The following EHD2 variants were observed in gnomAD, a reference collection of about 807,000 sequenced individuals.
The protein encoded by EHD2 is EH domain containing 2.
A neutral mutation model predicts 41.0 loss-of-function variants in EHD2; 27 were observed. The observed-to-expected ratio is 0.66, with a 90% CI of 0.49 to 0.91. EHD2 has a LOEUF of 0.91. Among genes scored for constraint, EHD2 ranks in the 40% least tolerant of loss-of-function variants. The probability of loss-of-function intolerance (pLI) is 0.00; values close to 1 mark genes in which losing one functional copy is unlikely to be tolerated. For missense variants in EHD2, 673 were observed against 773.9 expected, an observed-to-expected ratio of 0.87 and a Z score of 1.55; for synonymous variants, 342 against 341.0, an observed-to-expected ratio of 1.00 and a Z score of -0.03.
intron 3 of EHD2, among the ~76,000 whole-genome samples, chr19:47,723,802 T>A (rs569828730): frequency 1.8e-4 from 27 of 152,000 alleles, no homozygotes; most frequent in Admixed American, 2.6e-4. Context: ...TTCCTCCTCC[T>A]GAGTAGCTGA....
At chr19:47,714,094 C>G (rs1306967818) in intron 1 of EHD2, among the ~76,000 whole-genome samples, 1 of 152,196 alleles carries the variant, frequency 6.6e-6, no homozygotes, top group African/African-American at 2.4e-5. Context: ...TCCCTGGCCA[C>G]CCCTTTTAAG....
chr19:47,734,322 C>T (rs565150071), intron 4 of EHD2, among the ~76,000 whole-genome samples: 4 of 150,946 alleles, frequency 2.6e-5, no homozygotes, highest in African/African-American at 9.7e-5. Flanking sequence ...GGGACAGAGC[C>T]AGACCCTGTC....
chr19:47,716,504 T>C, intron 1 of EHD2, 54 bp from the exon 2 acceptor site: 2 of 1,308,550 alleles, frequency 1.5e-6, no homozygotes, highest in South Asian at 3.3e-5. Context: ...CTCAGACCCC[T>C]TTCTTCCTCC....
intron 5 of EHD2, among the ~76,000 whole-genome samples, chr19:47,738,805 G>A (rs1966951619): frequency 1.3e-5 from 2 of 152,172 alleles, no homozygotes; most frequent in African/African-American, 4.8e-5. Flanking sequence ...CTCTGCCTTG[G>A]CTCAGGAAAT....
chr19:47,727,008 C>T (rs1973760316), intron 4 of EHD2, among the ~76,000 whole-genome samples: 2 of 152,028 alleles, frequency 1.3e-5, no homozygotes, highest in African/African-American at 4.8e-5. Context: ...CAGACAAATA[C>T]TCATTATTCT....
chr19:47,716,068 CT>C (rs60295874), intron 1 of EHD2, among the ~76,000 whole-genome samples: 15,324 of 99,904 alleles, frequency 0.15, 641 homozygotes, highest in African/African-American at 0.22. Flanking sequence ...TGTGCCTGGC[CT>C]TTTTTTTTTT....
At position 47,725,951 on chromosome 19, in the gene EHD2, C is replaced by G; in HGVS notation, c.642C>G (p.Ile214Met). The G allele has an allele frequency of 6.2e-7, 1 of 1,613,710 alleles. No homozygotes were observed. Among genetic ancestry groups the G allele is most frequent in the Non-Finnish European group, 8.5e-7 (1 of 1,179,698 alleles). ...IGALRGHEDKIRVVLNKADMV... is the reference protein window; with the variant it reads ...IGALRGHEDKMRVVLNKADMV... ...CGTTGCGGGGCCATGAGGACAAGAT[C>G]CGCGTGGTGCTCAACAAGGCCGACA... is the stretch of plus-strand genomic sequence containing the variant. Residue 214 changes from isoleucine (I) to methionine (M), a missense_variant, in exon 4 of 6, where the codon ATC (isoleucine) becomes ATG (methionine). By Grantham distance (10) the Ile-to-Met change is conservative (BLOSUM62 1). Coordinates refer to ENST00000263277, the MANE Select transcript of EHD2 (RefSeq NM_014601.4).
rs1214494982 is a variant in EHD2 at position 47,739,264 on chromosome 19, CTAATTTT to C, written c.1081-1608_1081-1602del. Among the ~76,000 whole-genome samples, 3 of 133,796 alleles carry C rather than the reference CTAATTTT, an allele frequency of 2.2e-5. No homozygotes were observed. The Admixed American group carries it at 2.4e-4, about 11-fold the overall frequency. 87.8% of individuals were successfully genotyped at this position (133,796 alleles called of 152,430 possible). A position where few individuals can be genotyped will look rare whatever the true frequency, so the allele number is the denominator to read the frequency against. On this transcript the variant is annotated intron_variant, in intron 5 of 5. Coordinates refer to ENST00000263277, the MANE Select transcript of EHD2 (RefSeq NM_014601.4). ...TGCAGGCGTGCACCACCACACCTGG[CTAATTTT>C]TAATTTTTTTTTTTTTTTTTTTTTT...
chr19:47,715,062 TAAATAAATAAATAAATAAAA>T (rs1239170488), intron 1 of EHD2, among the ~76,000 whole-genome samples: 1 of 150,192 alleles, frequency 6.7e-6, no homozygotes, highest in African/African-American at 2.5e-5. Context: ...AATAAATAAA[TAAATAAATAAATAAATAAAA>T]AGAAAGAAAA....
At chr19:47,731,284 A>ATATATATATATATG (rs1973809651) in intron 4 of EHD2, 1 of 54,916 alleles carries the variant, frequency 1.8e-5, no homozygotes, top group Non-Finnish European at 5.2e-5. Flanking sequence ...AAAAAAATAT[A>ATATATATATATATG]TATATATATA....
chr19:47,731,279 A>AATTATAT (rs1555793892), intron 4 of EHD2: 1 of 60,928 alleles, frequency 1.6e-5, no homozygotes, highest in East Asian at 4.7e-4. Context: ...AAAAAAAAAA[A>AATTATAT]ATATATATAT....
At chr19:47,718,804 T>C (rs1254983837) in intron 3 of EHD2, among the ~76,000 whole-genome samples, 198 bp downstream of exon 3, 4 of 105,998 alleles carry the variant, frequency 3.8e-5, no homozygotes, top group African/African-American at 1.5e-4. Context: ...CCCAGACTCC[T>C]GGGTCTGAGG....
chr19:47,721,164 GGTGT>G (rs60140753), intron 3 of EHD2, among the ~76,000 whole-genome samples: 7,224 of 57,066 alleles, frequency 0.13, 248 homozygotes, highest in Non-Finnish European at 0.19. Flanking sequence ...TGCTACTGGG[GGTGT>G]GTGTGTGTGT....
intron 2 of EHD2, among the ~76,000 whole-genome samples, chr19:47,717,691 G>C (rs1170033251): frequency 6.6e-6 from 1 of 152,036 alleles, no homozygotes; most frequent in Non-Finnish European, 1.5e-5. Context: ...TAGATCACTT[G>C]AGGCCAGGAG....
In EHD2 at chr19:47,721,458, C is replaced by T. The variant is rs376290642; in HGVS notation, c.502+2852C>T. Among the ~76,000 whole-genome samples the T allele has an allele frequency of 3.8e-4, 57 of 151,854 alleles. No homozygotes were observed. In the East Asian group the frequency reaches 4.3e-3, roughly 11 times the overall value. ...CCTCCGGAGTAGCTGGGATTACAGG[C>T]GCCTGCCACCATGCCCGGCTAATTT... is the stretch of plus-strand genomic sequence containing the variant. On this transcript the variant is annotated intron_variant, in intron 3 of 5. Transcript: ENST00000263277.
Position 47,725,824 on chromosome 19 carries a change from C to T in EHD2, c.515C>T (p.Pro172Leu), listed in dbSNP as rs754240911. 3.8e-6 allele frequency: 6 copies of T among 1,582,524 alleles called. No homozygotes were observed. The Admixed American group carries it at 5.2e-5, about 14-fold the overall frequency. The change falls in exon 4 of 6, where the codon CCG becomes CTG. Residue 172 changes from proline (P) to leucine (L), a missense_variant. Physicochemically the swap from Pro to Leu is moderately conservative, Grantham distance 98. Coordinates refer to ENST00000263277, the MANE Select transcript of EHD2 (RefSeq NM_014601.4). ...KQRVSRGYDFPAVLRWFAERV... is the reference protein window; with the variant it reads ...KQRVSRGYDFLAVLRWFAERV... ...ACTCCCACTCCAGGCTACGACTTCC[C>T]GGCCGTGCTGCGCTGGTTCGCGGAG...
At chr19:47,739,956 C>T (rs1966967964) in intron 5 of EHD2, among the ~76,000 whole-genome samples, 1 of 152,288 alleles carries the variant, frequency 6.6e-6, no homozygotes, top group Admixed American at 6.5e-5. Context: ...TCCAGTAATT[C>T]TGGGGCACAG....
chr19:47,722,813 C>G (rs187240368), intron 3 of EHD2, among the ~76,000 whole-genome samples: 23 of 152,292 alleles, frequency 1.5e-4, no homozygotes, highest in African/African-American at 5.5e-4. Context: ...GGTGATCCAC[C>G]CGCCTCAGCC....
At chr19:47,737,059 G>A (rs1007333919) in intron 5 of EHD2, among the ~76,000 whole-genome samples, 6 of 151,900 alleles carry the variant, frequency 3.9e-5, no homozygotes, top group Non-Finnish European at 5.9e-5. Context: ...GTGAAACCCC[G>A]TCTCTACTAA....
Sources: gnomAD v4.1 joint callset for allele counts (sites outside exome capture counted in the v4.1 genomes callset) on GRCh38, gnomAD v4.1.1 for gene constraint, MANE v1.5 for transcripts, NCBI Gene and HGNC (gene_info 2026-07-23, HGNC 2026-07-21) for gene names.